The following GLIS3 variants were observed in gnomAD, a reference collection of about 807,000 sequenced individuals.
The protein encoded by GLIS3 is zinc finger protein GLIS3.
A neutral mutation model predicts 78.6 loss-of-function variants in GLIS3; 53 were observed. The observed-to-expected ratio is 0.67, with a 90% CI of 0.54 to 0.85. The LOEUF (loss-of-function observed/expected upper bound fraction) is 0.85, where lower values mean the gene tolerates loss of function less well. Among genes scored for constraint, GLIS3 ranks in the 40% least tolerant of loss-of-function variants. The pLI, the probability that GLIS3 is intolerant of heterozygous loss-of-function variation, is 0.00. For synonymous variants in GLIS3, 684 were observed against 509.9 expected, an observed-to-expected ratio of 1.34 and a Z score of -4.60; for missense variants, 1,703 against 1,231.1, an observed-to-expected ratio of 1.38 and a Z score of -5.74.
At chr9:4,405,973 C>T in the GLIS3 span, among the ~76,000 whole-genome samples, 2 of 152,206 alleles carry the variant, frequency 1.3e-5, no homozygotes, top group African/African-American at 2.4e-5. Context: ...TCCATATGAT[C>T]ATTTCAATGG....
At chr9:4,332,389 G>C (rs887439947) in intron 2 of GLIS3, among the ~76,000 whole-genome samples, 4 of 152,180 alleles carry the variant, frequency 2.6e-5, no homozygotes, top group African/African-American at 9.7e-5. Context: ...TGAGCACACG[G>C]CTGCTCAACT....
intron 2 of GLIS3, among the ~76,000 whole-genome samples, chr9:4,194,948 T>G (rs1227353207): frequency 6.6e-6 from 1 of 152,204 alleles, no homozygotes; most frequent in Non-Finnish European, 1.5e-5. Context: ...AGTCATTCTG[T>G]GACAACCTGG....
the GLIS3 span, among the ~76,000 whole-genome samples, chr9:4,376,916 C>A: frequency 7.4e-6 from 1 of 134,702 alleles, no homozygotes; most frequent in Non-Finnish European, 1.7e-5. Flanking sequence ...ACTGATTCCA[C>A]TGCTGGAGGC....
intron 2 of GLIS3, among the ~76,000 whole-genome samples, chr9:4,227,925 T>A (rs533953454): frequency 2.4e-4 from 37 of 152,338 alleles, no homozygotes; most frequent in African/African-American, 7.0e-4. Context: ...GGCATCGGAA[T>A]GTACTTTGTG....
At chr9:4,056,898 C>CTTTTTTT (rs34752011) in intron 4 of GLIS3, among the ~76,000 whole-genome samples, 1 of 98,060 alleles carries the variant, frequency 1.0e-5, no homozygotes, top group Non-Finnish European at 2.0e-5. Flanking sequence ...CTTCAAGACA[C>CTTTTTTT]TTTTTTTTTT....
chr9:4,126,815 A>G (rs1564089456), intron 2 of GLIS3, among the ~76,000 whole-genome samples: 1 of 152,206 alleles, frequency 6.6e-6, no homozygotes, highest in Non-Finnish European at 1.5e-5. Flanking sequence ...AGTCTCAGTA[A>G]CTATACACTC....
At chr9:4,064,186 A>G (rs1178562216) in intron 4 of GLIS3, among the ~76,000 whole-genome samples, 1 of 152,318 alleles carries the variant, frequency 6.6e-6, no homozygotes, top group East Asian at 1.9e-4. Flanking sequence ...AAACCTATTT[A>G]CTGAGGAAAA....
At chr9:4,085,293 G>C (rs1228692882) in intron 4 of GLIS3, among the ~76,000 whole-genome samples, 1 of 151,422 alleles carries the variant, frequency 6.6e-6, no homozygotes, top group Non-Finnish European at 1.5e-5. Context: ...CTCCATTTAA[G>C]CATTGATATT....
At chr9:4,262,227 C>A (rs1437700829) in intron 2 of GLIS3, among the ~76,000 whole-genome samples, 1 of 152,088 alleles carries the variant, frequency 6.6e-6, no homozygotes, top group East Asian at 1.9e-4. Flanking sequence ...GGAGGTGTCA[C>A]TAGCCATTTC....
chr9:3,928,378 G>A (rs868258845), intron 6 of GLIS3, among the ~76,000 whole-genome samples: 1 of 152,208 alleles, frequency 6.6e-6, no homozygotes, highest in Non-Finnish European at 1.5e-5. Context: ...ACCATCTGCC[G>A]TCTAGACCAT....
At chr9:3,885,727 G>C (rs1822032502) in intron 7 of GLIS3, among the ~76,000 whole-genome samples, 1 of 152,200 alleles carries the variant, frequency 6.6e-6, no homozygotes, top group Non-Finnish European at 1.5e-5. Flanking sequence ...TCTCCCTGGA[G>C]AATTTTAGAG....
intron 2 of GLIS3, among the ~76,000 whole-genome samples, chr9:4,313,570 T>C (rs1817396131): frequency 2.0e-5 from 3 of 152,236 alleles, no homozygotes; most frequent in South Asian, 2.1e-4. Context: ...TTAATGGTCC[T>C]GGATGTGACT....
At chr9:3,935,408 G>C (rs1381248636) in intron 5 of GLIS3, among the ~76,000 whole-genome samples, 2 of 151,868 alleles carry the variant, frequency 1.3e-5, no homozygotes, top group Admixed American at 6.6e-5. Flanking sequence ...CACTATATTA[G>C]GTAGCCTTCC....
At chr9:4,465,006 C>T in the GLIS3 span, among the ~76,000 whole-genome samples, 1 of 152,210 alleles carries the variant, frequency 6.6e-6, no homozygotes, top group African/African-American at 2.4e-5. Context: ...TGGATGTGGC[C>T]AAGGGGTTAG....
At chr9:3,877,272 G>C (rs1246164240) in intron 8 of GLIS3, among the ~76,000 whole-genome samples, 1 of 152,146 alleles carries the variant, frequency 6.6e-6, no homozygotes, top group African/African-American at 2.4e-5. Context: ...TTAATTTATA[G>C]GAATATATCA....
At chr9:4,269,916 T>C (rs1442266958) in intron 2 of GLIS3, among the ~76,000 whole-genome samples, 1 of 152,142 alleles carries the variant, frequency 6.6e-6, no homozygotes, top group African/African-American at 2.4e-5. Context: ...AGAGTACCTA[T>C]AAATACTTAA....
chr9:4,170,981 T>C (rs1816324516), intron 2 of GLIS3, among the ~76,000 whole-genome samples: 1 of 152,168 alleles, frequency 6.6e-6, no homozygotes, highest in African/African-American at 2.4e-5. Flanking sequence ...AACTGTGTCA[T>C]GGTAGCACAT....
At chr9:4,266,276 A>T (rs4740760) in intron 2 of GLIS3, among the ~76,000 whole-genome samples, 151,778 of 152,042 alleles carry the variant, frequency 1, 75,758 homozygotes, top group East Asian at 1. Context: ...ACCTGGCTCA[A>T]GAAGAAAAAA....
At chr9:4,453,633 T>C in the GLIS3 span, among the ~76,000 whole-genome samples, 1 of 152,060 alleles carries the variant, frequency 6.6e-6, no homozygotes, top group Non-Finnish European at 1.5e-5. Flanking sequence ...ATTAAGAAAA[T>C]GTGGCACATA....
Sources: allele counts gnomAD v4.1 joint callset (sites outside exome capture counted in the v4.1 genomes callset), GRCh38; gene constraint gnomAD v4.1.1; transcripts MANE v1.5; gene names NCBI Gene and HGNC (gene_info 2026-07-23, HGNC 2026-07-21).